SEC23IP: variants seen among roughly 807,000 people sequenced by gnomAD.
SEC23IP encodes the protein SEC23-interacting protein.
In SEC23IP, 70 loss-of-function variants were observed where a neutral mutation model predicts 113.4. The ratio of observed to expected loss-of-function variants is 0.62; its 90% CI spans 0.51 to 0.75. SEC23IP has a LOEUF of 0.75. SEC23IP is among the 30% of genes least tolerant of loss of function. The pLI, the probability that SEC23IP is intolerant of heterozygous loss-of-function variation, is 0.00. For synonymous variants in SEC23IP, 398 were observed against 421.0 expected (o/e 0.95, Z 0.67); for missense variants, 1,160 against 1,204.9 (o/e 0.96, Z 0.55).
intron 15 of SEC23IP, among the ~76,000 whole-genome samples, chr10:119,931,898 A>G (rs893420900): frequency 1.3e-5 from 2 of 151,266 alleles, no homozygotes; most frequent in African/African-American, 4.9e-5. Flanking sequence ...TTGGAGAGAG[A>G]AAATTTATAG....
Position 119,909,023 on chromosome 10 carries a change from T to A in SEC23IP, c.1102-18T>A, listed in dbSNP as rs745670887. 8 of 1,534,704 alleles carry A rather than the reference T, an allele frequency of 5.2e-6. No individual in the cohort carries two copies. The South Asian group carries it at 9.3e-5, about 18-fold the overall frequency. On this transcript the variant is annotated intron_variant, in intron 4 of 18. Transcript: ENST00000369075. ...TAAATTTGTCATGTTGGAATATATG[T>A]TGTTTCCCCCATTATAGGCTGAATA...
chr10:119,939,350 G>A (rs1305407195), intron 18 of SEC23IP, among the ~76,000 whole-genome samples: 1 of 151,870 alleles, frequency 6.6e-6, no homozygotes, highest in African/African-American at 2.4e-5. Context: ...AAATAAAAAA[G>A]CCTCAAATTA....
chr10:119,932,922 C>A, intron 16 of SEC23IP, 83 bp from the exon 17 acceptor site: 1 of 1,245,388 alleles, frequency 8.0e-7, no homozygotes, highest in Non-Finnish European at 1.1e-6. Flanking sequence ...AAGCAGTATT[C>A]TCATTGAGCC....
At position 119,898,436 on chromosome 10, in the gene SEC23IP, C is replaced by T. The variant is rs1046591752; in HGVS notation, c.173C>T (p.Thr58Ile). ...ASLLLPGEDS[T>I]DVGEEDSFLG... ...TCCTGTTCCATTTCAGAGGATTCCA[C>T]AGATGTTGGTGAGGAGGACAGCTTC... The change falls in exon 2 of 19, where the codon ACA becomes ATA. Residue 58 changes from threonine (T) to isoleucine (I), a missense_variant. Thr to Ile is a moderately conservative substitution (Grantham distance 89). Transcript: ENST00000369075. 1 of 1,610,810 alleles carries T rather than the reference C, an allele frequency of 6.2e-7. No homozygotes were observed. The highest frequency in any genetic ancestry group is 8.5e-7 in the Non-Finnish European group (1 of 1,178,078).
intron 12 of SEC23IP, among the ~76,000 whole-genome samples, chr10:119,922,597 ATAG>A (rs1855284128): frequency 6.6e-6 from 1 of 152,196 alleles, no homozygotes; most frequent in African/African-American, 2.4e-5. Flanking sequence ...GCAATCTTAC[ATAG>A]TAGTAATTGT....
intron 12 of SEC23IP, among the ~76,000 whole-genome samples, chr10:119,924,955 T>A (rs1855373090): frequency 6.6e-6 from 1 of 151,992 alleles, no homozygotes; most frequent in Non-Finnish European, 1.5e-5. Context: ...TTTTTCTGTT[T>A]TTTTAGAGAT....
chr10:119,893,429 G>C (rs1177584493), intron 1 of SEC23IP, among the ~76,000 whole-genome samples: 1 of 151,174 alleles, frequency 6.6e-6, no homozygotes, highest in African/African-American at 2.4e-5. Context: ...CTAGGTTACA[G>C]TAAGATATCT....
intron 11 of SEC23IP, among the ~76,000 whole-genome samples, chr10:119,920,155 G>T (rs1424402411): frequency 2.0e-5 from 3 of 152,282 alleles, no homozygotes; most frequent in South Asian, 4.1e-4. Context: ...TTGTTGGTCA[G>T]ACTGTAAAAT....
intron 5 of SEC23IP, among the ~76,000 whole-genome samples, chr10:119,909,384 A>G (rs1371143270): frequency 6.6e-6 from 1 of 152,172 alleles, no homozygotes; most frequent in Non-Finnish European, 1.5e-5. Context: ...AGACAGGTGG[A>G]ATGCTTGAGC....
At chr10:119,937,949 A>G (rs970869870) in intron 18 of SEC23IP, among the ~76,000 whole-genome samples, 1 of 151,976 alleles carries the variant, frequency 6.6e-6, no homozygotes, top group Non-Finnish European at 1.5e-5. Flanking sequence ...ATGATACTTC[A>G]TTGATTTCAA....
At chr10:119,903,105 T>G in intron 3 of SEC23IP, 96 bp downstream of exon 3, 1 of 1,014,470 alleles carries the variant, frequency 9.9e-7, no homozygotes, top group Non-Finnish European at 1.5e-6. Context: ...GTCAAATACC[T>G]TAATCCTTAT....
intron 4 of SEC23IP, chr10:119,904,576 G>C: frequency 4.0e-6 from 1 of 247,636 alleles, no homozygotes; most frequent in Non-Finnish European, 7.7e-6. Context: ...AAGATGCCAA[G>C]CATATGGACA....
At chr10:119,938,312 A>C (rs1023932439) in intron 18 of SEC23IP, among the ~76,000 whole-genome samples, 2 of 152,100 alleles carry the variant, frequency 1.3e-5, no homozygotes, top group East Asian at 3.9e-4. Context: ...TTCAGCCCCC[A>C]AAATTTGCAG....
At chr10:119,913,772 G>A (rs1234847191) in intron 6 of SEC23IP, among the ~76,000 whole-genome samples, 2 of 151,868 alleles carry the variant, frequency 1.3e-5, no homozygotes, top group Admixed American at 6.6e-5. Flanking sequence ...AATTACAGGC[G>A]TGAGCCACCA....
At chr10:119,903,074 C>A in intron 3 of SEC23IP, 65 bp downstream of exon 3, 8 of 1,294,388 alleles carry the variant, frequency 6.2e-6, no homozygotes, top group Non-Finnish European at 7.7e-6. Context: ...ATCATTTATT[C>A]ATGATCTATT....
chr10:119,905,989 AG>A (rs1298428613), intron 4 of SEC23IP, among the ~76,000 whole-genome samples: 7 of 152,102 alleles, frequency 4.6e-5, no homozygotes, highest in Non-Finnish European at 8.8e-5. Context: ...CAAGAAATGG[AG>A]CTAGGCTGGG....
At position 119,904,042 on chromosome 10, in the gene SEC23IP, T is replaced by G. The variant is rs114245093; in HGVS notation, c.908-42T>G. On this transcript the variant is annotated intron_variant, in intron 3 of 18. Transcript: ENST00000369075. The stretch of plus-strand genomic sequence containing the variant: ...GCAGATTATTTATTATTTTACAATA[T>G]GCCTTGCAGCAGTTAGGAAAAGTGT... The G allele has an allele frequency of 6.1e-4, 968 of 1,593,404 alleles. 8 individuals are homozygous for G. The African/African-American group carries it at 0.012, about 20-fold the overall frequency.
chr10:119,925,350 C>T (rs1855385758), intron 12 of SEC23IP, among the ~76,000 whole-genome samples: 1 of 151,912 alleles, frequency 6.6e-6, no homozygotes, highest in African/African-American at 2.4e-5. Context: ...TCTTTTATAC[C>T]TGGTTTCTTT....
intron 9 of SEC23IP, 72 bp downstream of exon 9, chr10:119,918,116 ATTG>A (rs1405925893): frequency 1.7e-6 from 2 of 1,189,680 alleles, no homozygotes; most frequent in Non-Finnish European, 2.4e-6. Context: ...TGTAGGTGAT[ATTG>A]TTAGTGCAAA....
Sources: allele counts gnomAD v4.1 joint callset (sites outside exome capture counted in the v4.1 genomes callset), GRCh38; gene constraint gnomAD v4.1.1; transcripts MANE v1.5; gene names NCBI Gene and HGNC (gene_info 2026-07-23, HGNC 2026-07-21).